Variants in SLC44A1 observed in about 807,000 individuals in gnomAD.
SLC44A1 encodes the protein choline transporter-like protein 1.
A neutral mutation model predicts 79.3 loss-of-function variants in SLC44A1; 26 were observed. The observed-to-expected ratio is 0.33, with a 90% confidence interval of 0.24 to 0.46. The LOEUF (loss-of-function observed/expected upper bound fraction) is 0.46. SLC44A1 is among the 20% of genes least tolerant of loss of function. SLC44A1 has a pLI of 1.00. For missense variants in SLC44A1, 688 were observed against 798.1 expected (o/e 0.86, Z 1.66); for synonymous variants, 263 against 286.2 (o/e 0.92, Z 0.82).
At chr9:105,345,992 G>GAA (rs75269488) in intron 4 of SLC44A1, among the ~76,000 whole-genome samples, 5 of 112,404 alleles carry the variant, frequency 4.4e-5, no homozygotes, top group Non-Finnish European at 7.7e-5. Flanking sequence ...TACTTTCACT[G>GAA]AAAAAAAAAA....
chr9:105,407,207 G>C (rs1829040016), intron 15 of SLC44A1, among the ~76,000 whole-genome samples: 1 of 151,770 alleles, frequency 6.6e-6, no homozygotes, highest in Non-Finnish European at 1.5e-5. Flanking sequence ...GGAGCAGAAA[G>C]AATATTTGAA....
chr9:105,412,074 A>C (rs184846927), intron 15 of SLC44A1, among the ~76,000 whole-genome samples: 1 of 152,180 alleles, frequency 6.6e-6, no homozygotes, highest in Non-Finnish European at 1.5e-5. Context: ...TAATTTCATC[A>C]TTCTTCCTAT....
Position 105,329,418 on chromosome 9 carries a change from A to G in SLC44A1, c.270-6145A>G, listed in dbSNP as rs536799555. 1.4e-3 allele frequency among the ~76,000 whole-genome samples: 206 copies of G among 152,266 alleles called. 1 individual carries two copies. Among genetic ancestry groups the G allele is most frequent in the Non-Finnish European group, 2.1e-3 (143 of 68,014 alleles). On this transcript the variant is annotated intron_variant, in intron 3 of 15. Transcript: ENST00000374720. The stretch of plus-strand genomic sequence containing the variant: ...CAGCCAAATTCGGCAGGAGGCGGCC[A>G]GCAGATCTAGTATCTGCTTGCCACC...
At chr9:105,276,532 A>G (rs1040972655) in intron 1 of SLC44A1, among the ~76,000 whole-genome samples, 8 of 149,960 alleles carry the variant, frequency 5.3e-5, no homozygotes, top group African/African-American at 2.0e-4. Context: ...ACTGTTTTGG[A>G]GAAAATTAAG....
Position 105,335,582 on chromosome 9 carries a change from C to T in SLC44A1, c.289C>T (p.Pro97Ser). 6.2e-7 allele frequency: 1 copy of T among 1,611,378 alleles called. No homozygotes were observed. Among genetic ancestry groups the T allele is most frequent in the Non-Finnish European group, 8.5e-7 (1 of 1,178,406 alleles). Residue 97 changes from proline (P) to serine (S), a missense_variant, in exon 4 of 16, where the codon CCA (proline) becomes TCA (serine). Transcript: ENST00000374720. The part of the protein sequence containing the change: ...TQRKYVFFLD[P>S]CNLDLINRKI... Reference sequence around the variant, plus strand: ...CTTTAGGTATGTATTCTTTTTGGATCCATGCAACCTGGACTTGATAAACCG... The same window carrying T: ...CTTTAGGTATGTATTCTTTTTGGATTCATGCAACCTGGACTTGATAAACCG...
intron 1 of SLC44A1, among the ~76,000 whole-genome samples, chr9:105,256,836 G>A (rs1829720384): frequency 1.3e-5 from 2 of 150,794 alleles, no homozygotes; most frequent in South Asian, 2.1e-4. Context: ...CACCCAGGCT[G>A]AAGTGCAGTG....
intron 15 of SLC44A1, among the ~76,000 whole-genome samples, chr9:105,418,033 A>G (rs952768501): frequency 6.6e-6 from 1 of 152,006 alleles, no homozygotes; most frequent in Admixed American, 6.6e-5. Context: ...TAATGATAAT[A>G]GGCTGGGTGC....
intron 1 of SLC44A1, among the ~76,000 whole-genome samples, chr9:105,248,095 A>G (rs993686569): frequency 1.3e-5 from 2 of 152,250 alleles, no homozygotes; most frequent in African/African-American, 4.8e-5. Flanking sequence ...TAACCTACAC[A>G]ACACATGAAA....
intron 1 of SLC44A1, among the ~76,000 whole-genome samples, chr9:105,286,398 C>T (rs1420360996): frequency 6.6e-6 from 1 of 152,182 alleles, no homozygotes; most frequent in Non-Finnish European, 1.5e-5. Flanking sequence ...ATAATAACAA[C>T]ATCAACTTCA....
chr9:105,259,799 G>C (rs1299100782), intron 1 of SLC44A1, among the ~76,000 whole-genome samples: 2 of 152,228 alleles, frequency 1.3e-5, no homozygotes, highest in African/African-American at 4.8e-5. Context: ...AGTTATGAAA[G>C]TTTGGAAATA....
intron 15 of SLC44A1, chr9:105,386,403 A>G: frequency 3.1e-6 from 3 of 979,590 alleles, no homozygotes; most frequent in Non-Finnish European, 3.6e-6. Flanking sequence ...GTGTCCCCTG[A>G]CTGCATATAA....
chr9:105,313,304 G>A (rs567033114), intron 3 of SLC44A1, among the ~76,000 whole-genome samples: 1 of 152,220 alleles, frequency 6.6e-6, no homozygotes, highest in South Asian at 2.1e-4. Flanking sequence ...TCCTCTGTCT[G>A]TATTAATTGG....
At chr9:105,417,007 T>C (rs935746166) in intron 15 of SLC44A1, among the ~76,000 whole-genome samples, 5 of 152,218 alleles carry the variant, frequency 3.3e-5, no homozygotes, top group African/African-American at 9.6e-5. Flanking sequence ...TTGACCTGTG[T>C]GCTGTAAAAG....
rs1828894312 is a variant in SLC44A1 at position 105,397,248 on chromosome 9, T to C, written c.*8192T>C. 1 of 985,370 alleles carries C rather than the reference T, an allele frequency of 1.0e-6. No individual in the cohort carries two copies. The highest frequency in any genetic ancestry group is 1.2e-6 in the Non-Finnish European group (1 of 829,856). The allele number at this position is 985,370 out of a possible 1,614,324, so 61.0% of individuals were successfully genotyped here. ...CTGATCTAATGCTAAGTTTTCTCTG[T>C]GTACTGACTCAGTTGCCAGAATTAT... On this transcript the variant is annotated 3_prime_UTR_variant, in exon 16 of 16. Coordinates refer to ENST00000374720, the MANE Select transcript of SLC44A1 (RefSeq NM_080546.5).
At chr9:105,351,590 G>A (rs1411781761) in intron 5 of SLC44A1, among the ~76,000 whole-genome samples, 35 of 115,962 alleles carry the variant, frequency 3.0e-4, no homozygotes, top group African/African-American at 7.0e-4. Flanking sequence ...GAGAGAAAGA[G>A]AGAAAGAGAA....
intron 3 of SLC44A1, among the ~76,000 whole-genome samples, chr9:105,334,854 A>T (rs907617131): frequency 6.6e-6 from 1 of 152,204 alleles, no homozygotes; most frequent in Non-Finnish European, 1.5e-5. Flanking sequence ...GGATTATTTT[A>T]TCTATCTGTA....
intron 12 of SLC44A1, among the ~76,000 whole-genome samples, chr9:105,368,657 C>T (rs1221181952): frequency 6.6e-6 from 1 of 152,050 alleles, no homozygotes; most frequent in Non-Finnish European, 1.5e-5. Flanking sequence ...TGTAAGCAAA[C>T]AAAAATATGG....
At chr9:105,366,471 A>G in intron 12 of SLC44A1, 42 bp downstream of exon 12, 1 of 894,366 alleles carries the variant, frequency 1.1e-6, no homozygotes, top group Non-Finnish European at 1.7e-6. Context: ...ACTTTCAAAG[A>G]TAGGTTCATT....
In SLC44A1 at chr9:105,374,592, GT is replaced by G; in HGVS notation, c.1495-5del. ...TGACGAAAATGTTGTTTTTGCTTTT[GT>G]CCAGAATGCATACACAGCCACAGCT... On this transcript the variant is annotated splice_region_variant and splice_polypyrimidine_tract_variant and intron_variant, in intron 12 of 15. Coordinates refer to ENST00000374720, the MANE Select transcript of SLC44A1 (RefSeq NM_080546.5). 6.2e-7 allele frequency: 1 copy of G among 1,605,718 alleles called. No homozygotes were observed. The highest frequency in any genetic ancestry group is 8.5e-7 in the Non-Finnish European group (1 of 1,177,196).
Sources: gnomAD v4.1 joint callset for allele counts (sites outside exome capture counted in the v4.1 genomes callset) on GRCh38, gnomAD v4.1.1 for gene constraint, MANE v1.5 for transcripts, NCBI Gene and HGNC (gene_info 2026-07-23, HGNC 2026-07-21) for gene names.